Variants in MALRD1 observed in about 807,000 individuals in gnomAD.
The protein encoded by MALRD1 is MAM and LDL receptor class A domain containing 1.
A neutral mutation model predicts 242.1 loss-of-function variants in MALRD1; 247 were observed. The observed-to-expected ratio is 1.02, with a 90% CI of 0.92 to 1.13. The LOEUF (loss-of-function observed/expected upper bound fraction) is 1.13. MALRD1 is among the 50% of genes most tolerant of loss of function. The pLI is 0.00. For synonymous variants in MALRD1, 995 were observed against 866.6 expected (o/e 1.15, Z -2.60); for missense variants, 2,989 against 2,533.1 (o/e 1.18, Z -3.86).
chr10:19,369,761 A>AT (rs1845291967), intron 26 of MALRD1, among the ~76,000 whole-genome samples: 1 of 151,636 alleles, frequency 6.6e-6, no homozygotes, highest in East Asian at 1.9e-4. Flanking sequence ...TAAAGTATCT[A>AT]TTTGTCTGAT....
intron 28 of MALRD1, among the ~76,000 whole-genome samples, chr10:19,395,850 G>A (rs1846553636): frequency 6.6e-6 from 1 of 151,862 alleles, no homozygotes; most frequent in African/African-American, 2.4e-5. Context: ...ACCTCTTTCA[G>A]TGTCTCTACT....
intron 29 of MALRD1, chr10:19,488,526 T>C (rs181118999): frequency 1.2e-3 from 187 of 153,268 alleles, no homozygotes; most frequent in Admixed American, 0.011. Context: ...GTCATTTCAT[T>C]GAATCATAAG....
intron 21 of MALRD1, among the ~76,000 whole-genome samples, chr10:19,287,424 C>T (rs977458213): frequency 1.3e-5 from 2 of 151,968 alleles, no homozygotes; most frequent in Admixed American, 6.6e-5. Flanking sequence ...TATATTTATA[C>T]ACAGTTCTGT....
At chr10:19,494,142 G>T (rs968583394) in intron 30 of MALRD1, among the ~76,000 whole-genome samples, 1 of 152,112 alleles carries the variant, frequency 6.6e-6, no homozygotes, top group African/African-American at 2.4e-5. Flanking sequence ...ATGCTGGCTG[G>T]ATTACACCCC....
chr10:19,478,295 A>G (rs1298031470), intron 29 of MALRD1, among the ~76,000 whole-genome samples: 1 of 152,218 alleles, frequency 6.6e-6, no homozygotes, highest in Non-Finnish European at 1.5e-5. Flanking sequence ...TAAGATGCTC[A>G]GTTGAACCTG....
chr10:19,687,008 A>C (rs548638565), intron 36 of MALRD1, among the ~76,000 whole-genome samples: 3 of 152,100 alleles, frequency 2.0e-5, no homozygotes, highest in African/African-American at 7.2e-5. Flanking sequence ...GAAAAAAAAA[A>C]AATAATAACG....
intron 30 of MALRD1, among the ~76,000 whole-genome samples, chr10:19,497,743 A>G (rs909044521): frequency 1.3e-5 from 2 of 152,310 alleles, no homozygotes; most frequent in South Asian, 2.1e-4. Context: ...CCAGTCATTC[A>G]TTCTGTCTGT....
At chr10:19,296,658 G>A (rs1466397238) in intron 21 of MALRD1, among the ~76,000 whole-genome samples, 2 of 151,976 alleles carry the variant, frequency 1.3e-5, no homozygotes, top group Admixed American at 6.6e-5. Flanking sequence ...GTTTATGAAG[G>A]ACACATTTAA....
rs898385734 is a variant in MALRD1 at position 19,324,103 on chromosome 10, C to A, written c.3574C>A (p.Gln1192Lys). 5 of 1,549,844 alleles carry A rather than the reference C, an allele frequency of 3.2e-6. No homozygotes were observed. The highest frequency in any genetic ancestry group is 2.4e-5 in the East Asian group (1 of 40,896). Residue 1192 changes from glutamine to lysine, a missense_variant and splice_region_variant, in exon 22 of 40, where the codon CAG (glutamine) becomes AAG (lysine). By Grantham distance (53) the Gln-to-Lys change is moderately conservative (BLOSUM62 1). Transcript: ENST00000454679. ...HMNGATVGSLQVLIKKDNVTS... is the reference protein window; with the variant it reads ...HMNGATVGSLKVLIKKDNVTS... ...GAATGGGGCCACCGTTGGTTCTCTC[C>A]AGGTACTGCTTAGGCAATCACATTT...
At chr10:19,595,037 AG>A (rs1177008610) in intron 33 of MALRD1, among the ~76,000 whole-genome samples, 156 bp from the exon 34 acceptor site, 1 of 152,188 alleles carries the variant, frequency 6.6e-6, no homozygotes, top group Non-Finnish European at 1.5e-5. Flanking sequence ...TTCTTGAATC[AG>A]GTTTGTAGGC....
At chr10:19,709,490 C>T (rs550591288) in intron 38 of MALRD1, among the ~76,000 whole-genome samples, 22 of 152,102 alleles carry the variant, frequency 1.4e-4, no homozygotes, top group Middle Eastern at 3.4e-3. Context: ...CTTTGTGTTG[C>T]CCAAAGTTAA....
chr10:19,200,169 T>G (rs535819877), intron 14 of MALRD1, among the ~76,000 whole-genome samples: 2 of 152,146 alleles, frequency 1.3e-5, no homozygotes, highest in South Asian at 4.1e-4. Flanking sequence ...ATATTTTCTT[T>G]GATATTTCAT....
At chr10:19,722,619 A>AAAAAAAAAAAAAAAAAT (rs57292963) in intron 38 of MALRD1, 2 of 144,556 alleles carry the variant, frequency 1.4e-5, no homozygotes, top group East Asian at 2.0e-4. Context: ...AAAAAAAAAA[A>AAAAAAAAAAAAAAAAAT]GGTGGAAAAA....
chr10:19,372,084 C>T (rs1330048365), intron 26 of MALRD1, among the ~76,000 whole-genome samples: 3 of 152,008 alleles, frequency 2.0e-5, no homozygotes, highest in African/African-American at 7.3e-5. Context: ...CTCAGTTATA[C>T]AATTACGTTA....
intron 33 of MALRD1, among the ~76,000 whole-genome samples, chr10:19,587,281 C>T (rs1397404121): frequency 1.3e-5 from 2 of 152,214 alleles, no homozygotes; most frequent in East Asian, 3.9e-4. Context: ...AATGCTGTTA[C>T]TAAAATGCCT....
chr10:19,729,939 G>A (rs1000948979), intron 38 of MALRD1, among the ~76,000 whole-genome samples: 75 of 151,342 alleles, frequency 5.0e-4, no homozygotes, highest in African/African-American at 1.5e-3. Context: ...GGGTTTCACC[G>A]TGTTAGCCAG....
At chr10:19,558,684 CT>C (rs1426564204) in intron 32 of MALRD1, among the ~76,000 whole-genome samples, 1 of 151,994 alleles carries the variant, frequency 6.6e-6, no homozygotes, top group African/African-American at 2.4e-5. Context: ...AAATGTTGGT[CT>C]GTAGTTTTCC....
intron 1 of MALRD1, 107 bp downstream of exon 1, chr10:19,049,244 G>A: frequency 1.4e-6 from 1 of 731,434 alleles, no homozygotes; most frequent in Non-Finnish European, 1.9e-6. Context: ...TGTATGCATT[G>A]TATCTTGTAT....
At chr10:19,234,286 A>T (rs1022235431) in intron 18 of MALRD1, among the ~76,000 whole-genome samples, 1 of 152,116 alleles carries the variant, frequency 6.6e-6, no homozygotes, top group African/African-American at 2.4e-5. Flanking sequence ...CCCTATTAAG[A>T]AACTAAAATA....
Sources: allele counts gnomAD v4.1 joint callset (sites outside exome capture counted in the v4.1 genomes callset), GRCh38; gene constraint gnomAD v4.1.1; transcripts MANE v1.5; gene names NCBI Gene and HGNC (gene_info 2026-07-23, HGNC 2026-07-21).